The following KRTAP19-6 variants were observed in gnomAD, a reference collection of about 807,000 sequenced individuals.
KRTAP19-6 encodes the protein keratin-associated protein 19-6.
For missense variants in KRTAP19-6, 70 were observed against 70.3 expected (o/e 1.00, Z 0.02); for synonymous variants, 20 against 27.5 (o/e 0.73, Z 0.85).
In KRTAP19-6 at chr21:30,541,614, C is replaced by T. The variant is rs750578097; in HGVS notation, c.*43G>A. The T allele has an allele frequency of 1.9e-4, 299 of 1,600,330 alleles. 5 individuals are homozygous for T. The East Asian group carries it at 5.9e-3, about 32-fold the overall frequency. ...AAAGTGTTCGCCTTGCTGAAGCATA[C>T]GGGCAAGATCTTGGAGTTAGAGTAT... On this transcript the variant is annotated 3_prime_UTR_variant, in exon 1 of 1. Transcript: ENST00000334046.
Position 30,541,568 on chromosome 21 carries a change from G to A in KRTAP19-6, c.*89C>T. The A allele has an allele frequency of 1.5e-6, 2 of 1,360,888 alleles. No individual in the cohort carries two copies. The highest frequency in any genetic ancestry group is 1.2e-5 in the South Asian group (1 of 83,076). The allele number at this position is 1,360,888 out of a possible 1,614,324, so 84.3% of individuals were successfully genotyped here. ...TGGAGCATGAAGCCAAAAAATGGTA[G>A]GTATTTTCTCTACATTGAGAAAAGT... On this transcript the variant is annotated 3_prime_UTR_variant, in exon 1 of 1. Coordinates refer to ENST00000334046, the MANE Select transcript of KRTAP19-6 (RefSeq NM_181612.3).
rs770252937 is a variant in KRTAP19-6 at position 30,541,669 on chromosome 21, A to G, written c.165T>C (p.Ser55=). 3.7e-6 allele frequency: 6 copies of G among 1,613,288 alleles called. No individual in the cohort carries two copies. The East Asian group carries it at 8.9e-5, about 24-fold the overall frequency. Residue 55 remains serine, a synonymous_variant, in exon 1 of 1, where the codon TCT becomes TCC. Transcript: ENST00000334046. ...ATCAGCAAGTTTTTTAGTAGAATCC[A>G]GAGAATCCATATCCTTCACGGCATG... The part of the protein sequence containing the change: ...RPSCREGYGF[S]GFY
Position 30,541,565 on chromosome 21 carries a change from G to T in KRTAP19-6, c.*92C>A, listed in dbSNP as rs763557538. On this transcript the variant is annotated 3_prime_UTR_variant, in exon 1 of 1. Transcript: ENST00000334046. ...TTCTGGAGCATGAAGCCAAAAAATG[G>T]TAGGTATTTTCTCTACATTGAGAAA... is the stretch of plus-strand genomic sequence containing the variant. 2 of 1,323,150 alleles carry T rather than the reference G, an allele frequency of 1.5e-6. No homozygotes were observed. Among genetic ancestry groups the T allele is most frequent in the Admixed American group, 3.6e-5 (2 of 56,140 alleles). 82.0% of individuals were successfully genotyped at this position (1,323,150 alleles called of 1,614,324 possible).
Position 30,541,597 on chromosome 21 carries a change from C to T in KRTAP19-6, c.*60G>A, listed in dbSNP as rs566194118. On this transcript the variant is annotated 3_prime_UTR_variant, in exon 1 of 1. Transcript: ENST00000334046. ...TTTTCTCTACATTGAGAAAAGTGTTCGCCTTGCTGAAGCATACGGGCAAGA... is the reference window on the plus strand; with the variant it reads ...TTTTCTCTACATTGAGAAAAGTGTTTGCCTTGCTGAAGCATACGGGCAAGA... The T allele has an allele frequency of 1.3e-5, 21 of 1,563,956 alleles. No homozygotes were observed. Among genetic ancestry groups the T allele is most frequent in the African/African-American group, 1.1e-4 (8 of 73,686 alleles).
Position 30,541,798 on chromosome 21 carries a change from T to C in KRTAP19-6, c.36A>G (p.Gly12=). Residue 12 remains glycine, a synonymous_variant, in exon 1 of 1, where the codon GGA becomes GGG. Coordinates refer to ENST00000334046, the MANE Select transcript of KRTAP19-6 (RefSeq NM_181612.3). ...GACCACCAAAGCCTCCACAGCCATA[T>C]CCCAGGCCTCTGTAGTAGCTGCCAT... ...RYYGSYYRGL[G]YGCGGFGGLG... is the part of the protein sequence containing the mutation. 1 of 1,614,082 alleles carries C rather than the reference T, an allele frequency of 6.2e-7. No homozygotes were observed. The highest frequency in any genetic ancestry group is 8.5e-7 in the Non-Finnish European group (1 of 1,180,000).
Position 30,541,784 on chromosome 21 carries a change from C to A in KRTAP19-6, c.50G>T (p.Gly17Val), listed in dbSNP as rs750406046. ...YYRGLGYGCGGFGGLGYGCGC... is the reference protein window; with the variant it reads ...YYRGLGYGCGVFGGLGYGCGC... ...ACAGCCATAGCCCAGACCACCAAAG[C>A]CTCCACAGCCATATCCCAGGCCTCT... Residue 17 changes from glycine to valine, a missense_variant, in exon 1 of 1, where the codon GGC (glycine) becomes GTC (valine). Transcript: ENST00000334046. 6.2e-7 allele frequency: 1 copy of A among 1,614,144 alleles called. No individual in the cohort carries two copies. The highest frequency in any genetic ancestry group is 1.7e-5 in the Admixed American group (1 of 59,998).
chr21:30,541,697 G>A lies in KRTAP19-6; in HGVS notation c.137C>T (p.Pro46Leu), dbSNP rs1372189832. The part of the protein sequence containing the change: ...YGGYRYGCCR[P>L]SCREGYGFSG... ...GAATCCATATCCTTCACGGCATGAT[G>A]GGCGGCAGCAGCCATATCTATAGCC... The change falls in exon 1 of 1, where the codon CCA becomes CTA. Residue 46 changes from proline to leucine, a missense_variant. By Grantham distance (98) the Pro-to-Leu change is moderately conservative. Transcript: ENST00000334046. The A allele has an allele frequency of 6.2e-7, 1 of 1,613,628 alleles. No homozygotes were observed. The highest frequency in any genetic ancestry group is 8.5e-7 in the Non-Finnish European group (1 of 1,179,554).
Position 30,541,606 on chromosome 21 carries a change from G to A in KRTAP19-6, c.*51C>T. The A allele has an allele frequency of 1.9e-6, 3 of 1,592,642 alleles. No homozygotes were observed. Among genetic ancestry groups the A allele is most frequent in the Non-Finnish European group, 2.6e-6 (3 of 1,161,208 alleles). ...CATTGAGAAAAGTGTTCGCCTTGCT[G>A]AAGCATACGGGCAAGATCTTGGAGT... On this transcript the variant is annotated 3_prime_UTR_variant, in exon 1 of 1. Transcript: ENST00000334046.
In KRTAP19-6 at chr21:30,541,733, G is replaced by GAGCCATATCTGTAGCCTCCACAGCCAC; in HGVS notation, c.74_100dup (p.Cys25_Gly33dup). 1 of 1,613,594 alleles carries GAGCCATATCTGTAGCCTCCACAGCCAC rather than the reference G, an allele frequency of 6.2e-7. No individual in the cohort carries two copies. The highest frequency in any genetic ancestry group is 8.5e-7 in the Non-Finnish European group (1 of 1,179,522). On this transcript the variant is annotated inframe_insertion, in exon 1 of 1. Transcript: ENST00000334046. ...GCCATATCTATAGCCTCCATAGCCAGAGCCATATCTGTAGCCTCCACAGCC... is the reference window on the plus strand; with the variant it reads ...GCCATATCTATAGCCTCCATAGCCAGAGCCATATCTGTAGCCTCCACAGCCACAGCCATATCTGTAGCCTCCACAGCC...
rs763913664 is a variant in KRTAP19-6, at chr21:30,541,598, G to T, written c.*59C>A. 5 of 1,565,346 alleles carry T rather than the reference G, an allele frequency of 3.2e-6. No homozygotes were observed. The highest frequency in any genetic ancestry group is 1.1e-5 in the South Asian group (1 of 89,994). ...TTTCTCTACATTGAGAAAAGTGTTC[G>T]CCTTGCTGAAGCATACGGGCAAGAT... On this transcript the variant is annotated 3_prime_UTR_variant, in exon 1 of 1. Coordinates refer to ENST00000334046, the MANE Select transcript of KRTAP19-6 (RefSeq NM_181612.3).
At position 30,541,584 on chromosome 21, in the gene KRTAP19-6, T is replaced by G; in HGVS notation, c.*73A>C. 47 of 1,497,110 alleles carry G rather than the reference T, an allele frequency of 3.1e-5. No homozygotes were observed. The highest frequency in any genetic ancestry group is 4.1e-5 in the Non-Finnish European group (44 of 1,077,278). The allele number at this position is 1,497,110 out of a possible 1,614,324, so 92.7% of individuals were successfully genotyped here. ...AAAATGGTAGGTATTTTCTCTACATTGAGAAAAGTGTTCGCCTTGCTGAAG... is the reference window on the plus strand; with the variant it reads ...AAAATGGTAGGTATTTTCTCTACATGGAGAAAAGTGTTCGCCTTGCTGAAG... On this transcript the variant is annotated 3_prime_UTR_variant, in exon 1 of 1. Transcript: ENST00000334046.
rs779804297 is a variant in KRTAP19-6, at chr21:30,541,665, A to C, written c.169T>G (p.Phe57Val). ...GAGAATCAGCAAGTTTTTTAGTAGA[A>C]TCCAGAGAATCCATATCCTTCACGG... is the stretch of plus-strand genomic sequence containing the variant. ...SCREGYGFSG[F>V]Y is the part of the protein sequence containing the mutation. Residue 57 changes from phenylalanine to valine, a missense_variant, in exon 1 of 1, where the codon TTC becomes GTC. Transcript: ENST00000334046. The C allele has an allele frequency of 1.7e-5, 28 of 1,612,644 alleles. No homozygotes were observed. Among genetic ancestry groups the C allele is most frequent in the Non-Finnish European group, 8.5e-7 (1 of 1,179,316 alleles).
At position 30,541,781 on chromosome 21, in the gene KRTAP19-6, A is replaced by C; in HGVS notation, c.53T>G (p.Phe18Cys). The C allele has an allele frequency of 6.2e-7, 1 of 1,613,968 alleles. No individual in the cohort carries two copies. The highest frequency in any genetic ancestry group is 1.3e-5 in the African/African-American group (1 of 74,994). ...GCCACAGCCATAGCCCAGACCACCA[A>C]AGCCTCCACAGCCATATCCCAGGCC... ...YRGLGYGCGG[F>C]GGLGYGCGCG... Residue 18 changes from phenylalanine (F) to cysteine (C), a missense_variant, in exon 1 of 1, where the codon TTT becomes TGT. By Grantham distance (205) the Phe-to-Cys change is radical. Coordinates refer to ENST00000334046, the MANE Select transcript of KRTAP19-6 (RefSeq NM_181612.3).
chr21:30,541,613 A>T lies in KRTAP19-6; in HGVS notation c.*44T>A. 1 of 1,599,768 alleles carries T rather than the reference A, an allele frequency of 6.3e-7. No homozygotes were observed. The highest frequency in any genetic ancestry group is 8.6e-7 in the Non-Finnish European group (1 of 1,167,484). On this transcript the variant is annotated 3_prime_UTR_variant, in exon 1 of 1. Transcript: ENST00000334046. ...AAAAGTGTTCGCCTTGCTGAAGCAT[A>T]CGGGCAAGATCTTGGAGTTAGAGTA...
chr21:30,541,742 C>G lies in KRTAP19-6; in HGVS notation c.92G>C (p.Arg31Thr). 2 of 1,613,992 alleles carry G rather than the reference C, an allele frequency of 1.2e-6. No homozygotes were observed. Among genetic ancestry groups the G allele is most frequent in the Non-Finnish European group, 1.7e-6 (2 of 1,179,852 alleles). Residue 31 changes from arginine to threonine, a missense_variant, in exon 1 of 1, where the codon AGA becomes ACA. Coordinates refer to ENST00000334046, the MANE Select transcript of KRTAP19-6 (RefSeq NM_181612.3). ...LGYGCGCGGY[R>T]YGSGYGGYRY... is the part of the protein sequence containing the mutation. ...ATAGCCTCCATAGCCAGAGCCATAT[C>G]TGTAGCCTCCACAGCCACAGCCATA...
rs748279194 is a variant in KRTAP19-6 at position 30,541,861 on chromosome 21, A to G, written c.-28T>C. ...TGTCAGGGACTAGAGATTCAGTTCA[A>G]TGCTAATGATGAGTTTCCTGAGTGT... On this transcript the variant is annotated 5_prime_UTR_variant, in exon 1 of 1. Coordinates refer to ENST00000334046, the MANE Select transcript of KRTAP19-6 (RefSeq NM_181612.3). 3 of 1,588,156 alleles carry G rather than the reference A, an allele frequency of 1.9e-6. No individual in the cohort carries two copies. The highest frequency in any genetic ancestry group is 1.4e-5 in the African/African-American group (1 of 74,060).
At position 30,541,544 on chromosome 21, in the gene KRTAP19-6, G is replaced by A. The variant is rs1249016024; in HGVS notation, c.*113C>T. Reference sequence around the variant, plus strand: ...TAAAAACTGATGGCTAGTTCCTTCTGGAGCATGAAGCCAAAAAATGGTAGG... The same window carrying A: ...TAAAAACTGATGGCTAGTTCCTTCTAGAGCATGAAGCCAAAAAATGGTAGG... On this transcript the variant is annotated 3_prime_UTR_variant, in exon 1 of 1. Coordinates refer to ENST00000334046, the MANE Select transcript of KRTAP19-6 (RefSeq NM_181612.3). 1 of 996,668 alleles carries A rather than the reference G, an allele frequency of 1.0e-6. No individual in the cohort carries two copies. Among genetic ancestry groups the A allele is most frequent in the African/African-American group, 1.6e-5 (1 of 62,232 alleles). The allele number at this position is 996,668 out of a possible 1,614,324, so 61.7% of individuals were successfully genotyped here. A position where few individuals can be genotyped will look rare whatever the true frequency, so the allele number is the denominator to read the frequency against.
At position 30,541,859 on chromosome 21, in the gene KRTAP19-6, C is replaced by G; in HGVS notation, c.-26G>C. 1 of 1,596,414 alleles carries G rather than the reference C, an allele frequency of 6.3e-7. No homozygotes were observed. The highest frequency in any genetic ancestry group is 8.6e-7 in the Non-Finnish European group (1 of 1,168,048). Reference sequence around the variant, plus strand: ...GGTGTCAGGGACTAGAGATTCAGTTCAATGCTAATGATGAGTTTCCTGAGT... The same window carrying G: ...GGTGTCAGGGACTAGAGATTCAGTTGAATGCTAATGATGAGTTTCCTGAGT... On this transcript the variant is annotated 5_prime_UTR_variant, in exon 1 of 1. Transcript: ENST00000334046.
At position 30,541,754 on chromosome 21, in the gene KRTAP19-6, C is replaced by G. The variant is rs768936249; in HGVS notation, c.80G>C (p.Cys27Ser). The G allele has an allele frequency of 3.7e-6, 6 of 1,613,862 alleles. No individual in the cohort carries two copies. The highest frequency in any genetic ancestry group is 5.1e-6 in the Non-Finnish European group (6 of 1,179,742). The change falls in exon 1 of 1, where the codon TGT becomes TCT. Residue 27 changes from cysteine (C) to serine (S), a missense_variant. Coordinates refer to ENST00000334046, the MANE Select transcript of KRTAP19-6 (RefSeq NM_181612.3). ...GCCAGAGCCATATCTGTAGCCTCCA[C>G]AGCCACAGCCATAGCCCAGACCACC... ...GFGGLGYGCG[C>S]GGYRYGSGYG... is the part of the protein sequence containing the mutation.
Sources: gnomAD v4.1 joint callset for allele counts on GRCh38, gnomAD v4.1.1 for gene constraint, MANE v1.5 for transcripts, NCBI Gene and HGNC (gene_info 2026-07-23, HGNC 2026-07-21) for gene names.